FAAH2: variants seen among roughly 807,000 people sequenced by gnomAD.
FAAH2 encodes fatty-acid amide hydrolase 2.
Under a neutral mutation model 36.9 loss-of-function variants are expected in FAAH2, and 60 were observed. The observed-to-expected ratio is 1.63, with a 90% CI of 1.32 to 2.02. The LOEUF is 2.02. Ranked by LOEUF, FAAH2 falls within the 30% of genes most tolerant of loss-of-function variation. The pLI is 0.00. For synonymous variants in FAAH2, 214 were observed against 143.8 expected, an observed-to-expected ratio of 1.49 and a Z score of -3.49; for missense variants, 689 against 397.5, an observed-to-expected ratio of 1.73 and a Z score of -6.23.
chrX:57,423,323 G>T (rs926594854), intron 7 of FAAH2, among the ~76,000 whole-genome samples: 2 of 111,821 alleles, frequency 1.8e-5, no homozygotes, highest in African/African-American at 6.5e-5. Flanking sequence ...TGAGAGGTGA[G>T]TGTGGCATGG....
intron 5 of FAAH2, among the ~76,000 whole-genome samples, chrX:57,365,728 C>A (rs750440015): frequency 2.3e-4 from 26 of 111,994 alleles, no homozygotes; most frequent in Non-Finnish European, 3.2e-4. Context: ...TAGAATCCTG[C>A]ATTTCTCAGA....
At chrX:57,483,184 T>G (rs977614443) in intron 10 of FAAH2, among the ~76,000 whole-genome samples, 3 of 111,584 alleles carry the variant, frequency 2.7e-5, no homozygotes, top group Non-Finnish European at 3.8e-5. Context: ...ATCCCATATT[T>G]CACAAAGACT....
intron 10 of FAAH2, among the ~76,000 whole-genome samples, chrX:57,480,213 A>G (rs931065822): frequency 3.6e-5 from 4 of 111,792 alleles, no homozygotes; most frequent in South Asian, 3.7e-4. Flanking sequence ...TTCCTTCTGA[A>G]ACTATTCCTA....
chrX:57,334,026 T>A (rs1360913140), intron 4 of FAAH2, among the ~76,000 whole-genome samples: 1 of 110,721 alleles, frequency 9.0e-6, no homozygotes, highest in Non-Finnish European at 1.9e-5. Flanking sequence ...GGAGTCCACT[T>A]TGGGAGGCCA....
At chrX:57,196,884 G>T in the FAAH2 span, among the ~76,000 whole-genome samples, 2 of 110,937 alleles carry the variant, frequency 1.8e-5, no homozygotes, top group Admixed American at 1.9e-4. Context: ...TGAATTTCCT[G>T]GGTGTTCTTT....
the FAAH2 span, among the ~76,000 whole-genome samples, chrX:57,183,229 C>A: frequency 3.6e-5 from 4 of 111,293 alleles, no homozygotes; most frequent in Admixed American, 3.8e-4. Flanking sequence ...TTTAAAAAAT[C>A]TTGTATTACA....
chrX:57,356,932 C>G (rs748400618), intron 5 of FAAH2, among the ~76,000 whole-genome samples: 1 of 110,876 alleles, frequency 9.0e-6, no homozygotes, highest in East Asian at 2.8e-4. Context: ...ACTGCTATCC[C>G]TCCCCTAGCC....
chrX:57,285,984 G>A (rs2051804141), upstream of FAAH2, among the ~76,000 whole-genome samples: 1 of 111,814 alleles, frequency 8.9e-6, no homozygotes, highest in South Asian at 3.8e-4. Flanking sequence ...GAGAATAAGA[G>A]AAATGGAAGA....
intron 7 of FAAH2, 62 bp downstream of exon 7, chrX:57,381,091 C>T: frequency 2.5e-6 from 2 of 796,669 alleles, no homozygotes; most frequent in South Asian, 5.2e-5. Context: ...CTTCTGAGCC[C>T]TTTACTTCAC....
At chrX:57,362,427 A>T (rs1420761085) in intron 5 of FAAH2, among the ~76,000 whole-genome samples, 2 of 111,232 alleles carry the variant, frequency 1.8e-5, no homozygotes, top group Admixed American at 9.5e-5. Context: ...GGTGCAGCAA[A>T]CCACCATGGC....
intron 5 of FAAH2, among the ~76,000 whole-genome samples, chrX:57,371,928 A>G (rs1480926415): frequency 9.0e-6 from 1 of 111,728 alleles, no homozygotes; most frequent in Non-Finnish European, 1.9e-5. Context: ...GCATTAATCC[A>G]CTTAGAATAA....
chrX:57,394,619 C>T (rs930357362), intron 7 of FAAH2: 2 of 1,114,874 alleles, frequency 1.8e-6, no homozygotes, highest in Non-Finnish European at 2.5e-6. Flanking sequence ...CGTCATGAGC[C>T]CTAAGCCACC....
the FAAH2 span, among the ~76,000 whole-genome samples, chrX:57,139,337 G>A: frequency 8.9e-6 from 1 of 111,832 alleles, no homozygotes; most frequent in Non-Finnish European, 1.9e-5. Flanking sequence ...GTGTGTTCTT[G>A]GCTCCTTTTT....
chrX:57,286,331 CTT>C (rs947085015), upstream of FAAH2, among the ~76,000 whole-genome samples: 3 of 112,108 alleles, frequency 2.7e-5, no homozygotes, highest in African/African-American at 9.7e-5. Flanking sequence ...ACTTACAACA[CTT>C]TTTTCACAAG....
At position 57,392,165 on chromosome X, in the gene FAAH2, A is replaced by G. The variant is rs1231889470; in HGVS notation, c.996+11136A>G. 2.7e-5 allele frequency among the ~76,000 whole-genome samples: 3 copies of G among 111,533 alleles called. No homozygotes were observed. In the Admixed American group the frequency reaches 2.9e-4, roughly 11 times the overall value. Reference sequence around the variant, plus strand: ...CTGACTTTATTTACATTGATTTGGTATCCTGAAACTTTACCAAAATTGTTT... The same window carrying G: ...CTGACTTTATTTACATTGATTTGGTGTCCTGAAACTTTACCAAAATTGTTT... On this transcript the variant is annotated intron_variant, in intron 7 of 10. Transcript: ENST00000374900.
chrX:57,336,234 C>A (rs1191524069), intron 4 of FAAH2, among the ~76,000 whole-genome samples: 2 of 110,904 alleles, frequency 1.8e-5, no homozygotes, highest in Non-Finnish European at 3.8e-5. Flanking sequence ...AAAGCTCCCC[C>A]ACTGAGTACC....
chrX:57,152,547 G>T, the FAAH2 span, among the ~76,000 whole-genome samples: 2 of 112,233 alleles, frequency 1.8e-5, no homozygotes, highest in Non-Finnish European at 3.8e-5. Flanking sequence ...GCGAGACTCC[G>T]TGGGCATAGT....
chrX:57,338,071 C>T (rs1353328249), intron 4 of FAAH2, among the ~76,000 whole-genome samples: 1 of 111,984 alleles, frequency 8.9e-6, no homozygotes, highest in Non-Finnish European at 1.9e-5. Context: ...GTTTCATGAA[C>T]GTCCGTGTGA....
intron 7 of FAAH2, among the ~76,000 whole-genome samples, chrX:57,408,231 T>C (rs1002289523): frequency 2.3e-4 from 26 of 110,853 alleles, no homozygotes; most frequent in African/African-American, 7.8e-4. Flanking sequence ...ATGCATTGAG[T>C]CTGTAGATCT....
Sources: allele counts gnomAD v4.1 joint callset (sites outside exome capture counted in the v4.1 genomes callset), GRCh38; gene constraint gnomAD v4.1.1; transcripts MANE v1.5; gene names NCBI Gene and HGNC (gene_info 2026-07-23, HGNC 2026-07-21).